Variants in NUDCD3 observed in about 807,000 individuals in gnomAD.
NUDCD3 encodes the protein NudC domain containing 3.
Under a neutral mutation model 39.7 loss-of-function variants are expected in NUDCD3, and 13 were observed. The ratio of observed to expected loss-of-function variants is 0.33; its 90% CI spans 0.21 to 0.52. The LOEUF is 0.52. NUDCD3 is among the 20% of genes least tolerant of loss of function. The probability of loss-of-function intolerance (pLI) is 0.96; values close to 1 mark genes in which losing one functional copy is unlikely to be tolerated. For synonymous variants in NUDCD3, 175 were observed against 172.4 expected (o/e 1.02, Z -0.12); for missense variants, 453 against 458.1 (o/e 0.99, Z 0.10).
At position 44,392,363 on chromosome 7, in the gene NUDCD3, C is replaced by G. The variant is rs768636456; in HGVS notation, c.909G>C (p.Ala303=). Residue 303 remains alanine (A), a synonymous_variant, in exon 5 of 6, where the codon GCG becomes GCC. Coordinates refer to ENST00000355451, the MANE Select transcript of NUDCD3 (RefSeq NM_015332.4). ...AGTCAAAGGTAAGCCTGTCCAACAC[C>G]GCCTGTTCCTCCTCATCCACGGTGG... ...SMATVDEEEQ[A]VLDRLTFDYH... 3.1e-6 allele frequency: 5 copies of G among 1,614,182 alleles called. No individual in the cohort carries two copies. Among genetic ancestry groups the G allele is most frequent in the Non-Finnish European group, 4.2e-6 (5 of 1,180,026 alleles).
chr7:44,418,370 G>T (rs576454464), intron 3 of NUDCD3, among the ~76,000 whole-genome samples: 3 of 152,220 alleles, frequency 2.0e-5, no homozygotes, highest in Non-Finnish European at 4.4e-5. Flanking sequence ...AGCACCACTT[G>T]TATGTATAGA....
At chr7:44,430,102 G>A (rs1023863790) in intron 2 of NUDCD3, among the ~76,000 whole-genome samples, 4 of 152,284 alleles carry the variant, frequency 2.6e-5, no homozygotes, top group Non-Finnish European at 4.4e-5. Context: ...AGAGTAACAG[G>A]AATCTTTCTT....
At chr7:44,439,163 GA>G (rs1792569554) in intron 2 of NUDCD3, among the ~76,000 whole-genome samples, 1 of 152,176 alleles carries the variant, frequency 6.6e-6, no homozygotes, top group Admixed American at 6.5e-5. Context: ...ATCATTGGAA[GA>G]AGGTGAAAAA....
intron 5 of NUDCD3, among the ~76,000 whole-genome samples, chr7:44,386,948 A>C (rs1383848760): frequency 6.6e-6 from 1 of 152,146 alleles, no homozygotes; most frequent in South Asian, 2.1e-4. Context: ...GAGTACACTG[A>C]GGGCTAGGGA....
At chr7:44,401,307 T>C (rs1798721425) in intron 4 of NUDCD3, among the ~76,000 whole-genome samples, 1 of 152,220 alleles carries the variant, frequency 6.6e-6, no homozygotes, top group Admixed American at 6.5e-5. Context: ...ATCTCAGATA[T>C]GTAATCAGAG....
intron 2 of NUDCD3, among the ~76,000 whole-genome samples, chr7:44,432,605 C>A (rs1240234553): frequency 6.6e-6 from 1 of 152,210 alleles, no homozygotes; most frequent in Non-Finnish European, 1.5e-5. Flanking sequence ...CCCTGGGGCT[C>A]AGTGATTGAG....
chr7:44,388,854 C>G (rs558324237), intron 5 of NUDCD3, among the ~76,000 whole-genome samples: 93 of 152,372 alleles, frequency 6.1e-4, no homozygotes, highest in African/African-American at 2.1e-3. Context: ...GGTCAGGATG[C>G]TGCCCCATGG....
intron 2 of NUDCD3, among the ~76,000 whole-genome samples, chr7:44,455,344 C>T (rs1386792547): frequency 6.6e-6 from 1 of 152,152 alleles, no homozygotes; most frequent in Admixed American, 6.6e-5. Context: ...TTCACACACT[C>T]ATCTGTCACC....
At chr7:44,430,682 A>G (rs1411589305) in intron 2 of NUDCD3, among the ~76,000 whole-genome samples, 6 of 152,184 alleles carry the variant, frequency 3.9e-5, no homozygotes. Flanking sequence ...GGAAAAAGAA[A>G]CGGCTCTCTC....
At chr7:44,428,670 C>T (rs1327199139) in intron 2 of NUDCD3, among the ~76,000 whole-genome samples, 1 of 152,128 alleles carries the variant, frequency 6.6e-6, no homozygotes, top group East Asian at 1.9e-4. Flanking sequence ...GCACTAAATA[C>T]AGATAGGCCT....
At chr7:44,458,338 T>C (rs1799941145) in intron 2 of NUDCD3, among the ~76,000 whole-genome samples, 1 of 152,184 alleles carries the variant, frequency 6.6e-6, no homozygotes. Context: ...TGAATGCTAA[T>C]GCATACAAAG....
At chr7:44,400,065 G>C (rs768026632) in intron 4 of NUDCD3, among the ~76,000 whole-genome samples, 1 of 152,144 alleles carries the variant, frequency 6.6e-6, no homozygotes, top group Admixed American at 6.5e-5. Context: ...AGCCACCCAC[G>C]GCAGCATGGA....
At chr7:44,392,571 G>A (rs932338914) in intron 4 of NUDCD3, 86 bp from the exon 5 acceptor site, 2 of 1,203,714 alleles carry the variant, frequency 1.7e-6, no homozygotes, top group Non-Finnish European at 2.4e-6. Context: ...ACTGAGGGAT[G>A]GGTGTCCAGG....
At chr7:44,479,293 G>A (rs1800441057) in intron 2 of NUDCD3, among the ~76,000 whole-genome samples, 2 of 152,134 alleles carry the variant, frequency 1.3e-5, no homozygotes, top group African/African-American at 4.8e-5. Context: ...GTCATAAACT[G>A]TATTCTAAAA....
At chr7:44,458,936 CTGTG>C (rs55947411) in intron 2 of NUDCD3, among the ~76,000 whole-genome samples, 6,251 of 115,886 alleles carry the variant, frequency 0.054, 172 homozygotes, top group South Asian at 0.078. Context: ...ACGGGGAGTG[CTGTG>C]TGTGTGTGTG....
rs369767652 is a variant in NUDCD3, at chr7:44,392,257, G to A, written c.975+40C>T. On this transcript the variant is annotated intron_variant, in intron 5 of 5. Transcript: ENST00000355451. ...CTATCGGCCTTGTCACCAGCACAAG[G>A]GCCTAAAGGGTGGACTCTCCAGGAC... The A allele has an allele frequency of 5.7e-6, 9 of 1,592,164 alleles. No homozygotes were observed. In the African/African-American group the frequency reaches 8.0e-5, roughly 14 times the overall value.
intron 2 of NUDCD3, among the ~76,000 whole-genome samples, chr7:44,480,189 C>G (rs903882666): frequency 1.3e-5 from 2 of 152,188 alleles, no homozygotes; most frequent in African/African-American, 4.8e-5. Context: ...AAAATAGGGT[C>G]TCTACAAAAC....
chr7:44,440,191 T>C (rs553393255), intron 2 of NUDCD3, among the ~76,000 whole-genome samples: 25 of 152,280 alleles, frequency 1.6e-4, no homozygotes, highest in Non-Finnish European at 2.8e-4. Context: ...ACAGTAATAA[T>C]TCATGTTAAC....
intron 3 of NUDCD3, 129 bp from the exon 4 acceptor site, chr7:44,404,712 C>T (rs928524326): frequency 2.2e-6 from 2 of 903,802 alleles, no homozygotes; most frequent in East Asian, 5.1e-5. Flanking sequence ...GCTCACCAGG[C>T]ATCTCAGTGA....
Sources: gnomAD v4.1 joint callset for allele counts (sites outside exome capture counted in the v4.1 genomes callset) on GRCh38, gnomAD v4.1.1 for gene constraint, MANE v1.5 for transcripts, NCBI Gene and HGNC (gene_info 2026-07-23, HGNC 2026-07-21) for gene names.